UBQLN1: variants seen among roughly 807,000 people sequenced by gnomAD.
UBQLN1 encodes ubiquilin 1.
Under a neutral mutation model 65.4 loss-of-function variants are expected in UBQLN1, and 13 were observed. That is an observed-to-expected ratio of 0.20 (90% CI 0.13 to 0.32). The LOEUF (loss-of-function observed/expected upper bound fraction) is 0.32. Ranked by LOEUF, UBQLN1 falls within the 10% of genes least tolerant of loss-of-function variation. UBQLN1 has a pLI of 1.00. For missense variants in UBQLN1, 561 were observed against 724.0 expected (o/e 0.77, Z 2.58); for synonymous variants, 267 against 247.8 (o/e 1.08, Z -0.73).
chr9:83,675,469 A>T (rs893569647), intron 6 of UBQLN1, among the ~76,000 whole-genome samples: 1 of 67,514 alleles, frequency 1.5e-5, no homozygotes, highest in Admixed American at 1.2e-4. Flanking sequence ...CTATGCCGTC[A>T]AAAAAAAAAA....
At chr9:83,671,661 GCTTTTTTT>G (rs760320235) in intron 6 of UBQLN1, among the ~76,000 whole-genome samples, 49 of 152,226 alleles carry the variant, frequency 3.2e-4, no homozygotes, top group African/African-American at 8.7e-4. Flanking sequence ...TGTCATCCAG[GCTTTTTTT>G]CTTTTTTTCT....
intron 10 of UBQLN1, among the ~76,000 whole-genome samples, chr9:83,663,150 A>G (rs1397016224): frequency 6.6e-6 from 1 of 151,316 alleles, no homozygotes; most frequent in Non-Finnish European, 1.5e-5. Flanking sequence ...GGGAAAAGGG[A>G]AAGGGGAAGA....
At chr9:83,689,057 A>G (rs960863372) in intron 1 of UBQLN1, among the ~76,000 whole-genome samples, 3 of 152,212 alleles carry the variant, frequency 2.0e-5, no homozygotes, top group African/African-American at 7.2e-5. Context: ...CCTCAAAAAA[A>G]TCTATACCCT....
intron 4 of UBQLN1, among the ~76,000 whole-genome samples, chr9:83,679,029 A>G (rs1831893860): frequency 6.6e-6 from 1 of 152,136 alleles, no homozygotes; most frequent in Non-Finnish European, 1.5e-5. Context: ...CCAGGAGGCC[A>G]CTGTTTTGGA....
chr9:83,695,467 G>A (rs923649931), intron 1 of UBQLN1, among the ~76,000 whole-genome samples: 1 of 152,164 alleles, frequency 6.6e-6, no homozygotes, highest in African/African-American at 2.4e-5. Flanking sequence ...CGAAGTGCTG[G>A]ACTTAAAGGC....
At chr9:83,702,619 C>T (rs1158635330) in intron 1 of UBQLN1, among the ~76,000 whole-genome samples, 1 of 152,168 alleles carries the variant, frequency 6.6e-6, no homozygotes, top group Non-Finnish European at 1.5e-5. Flanking sequence ...TATTTCAATA[C>T]ATAATATATC....
At chr9:83,692,847 C>T (rs769817566) in intron 1 of UBQLN1, among the ~76,000 whole-genome samples, 20 of 152,140 alleles carry the variant, frequency 1.3e-4, no homozygotes, top group Middle Eastern at 6.8e-3. Flanking sequence ...AGCGGAACTC[C>T]GTTTTAAAAA....
At chr9:83,692,266 C>T (rs1460737300) in intron 1 of UBQLN1, among the ~76,000 whole-genome samples, 1 of 152,156 alleles carries the variant, frequency 6.6e-6, no homozygotes, top group Non-Finnish European at 1.5e-5. Flanking sequence ...GCTAAAAATT[C>T]TGCACGTACT....
At position 83,705,246 on chromosome 9, in the gene UBQLN1, C is replaced by T. The variant is rs1249617707; in HGVS notation, c.180+2254G>A. 2.2e-3 allele frequency among the ~76,000 whole-genome samples: 285 copies of T among 129,474 alleles called. 4 individuals carry two copies. The highest frequency in any genetic ancestry group is 8.2e-3 in the African/African-American group (265 of 32,182). 84.9% of individuals were successfully genotyped at this position (129,474 alleles called of 152,430 possible). On this transcript the variant is annotated intron_variant, in intron 1 of 10. Transcript: ENST00000376395. ...ATATGTGCTGCTGAAGCCAGCACTC[C>T]TTTTTTTTTTTGAAACGGAGTTTCA...
chr9:83,666,315 A>G (rs1831642471), intron 8 of UBQLN1, 35 bp downstream of exon 8: 2 of 1,603,530 alleles, frequency 1.2e-6, no homozygotes, highest in Non-Finnish European at 1.7e-6. Flanking sequence ...CAAGCAAATC[A>G]TTACCCAAGA....
intron 7 of UBQLN1, chr9:83,666,693 C>G (rs992146435): frequency 6.0e-6 from 2 of 331,738 alleles, no homozygotes; most frequent in African/African-American, 4.1e-5. Context: ...AAAATAAAAG[C>G]AATCATTTTC....
intron 1 of UBQLN1, among the ~76,000 whole-genome samples, chr9:83,706,719 G>A (rs948386118): frequency 1.3e-5 from 2 of 152,052 alleles, no homozygotes; most frequent in Non-Finnish European, 2.9e-5. Context: ...GTAATATTCT[G>A]CATTCACTCC....
chr9:83,669,293 C>T lies in UBQLN1; in HGVS notation c.1140G>A (p.Leu380=). Residue 380 remains leucine (L), a synonymous_variant, in exon 7 of 11, where the codon TTG becomes TTA. Coordinates refer to ENST00000376395, the MANE Select transcript of UBQLN1 (RefSeq NM_013438.5). The stretch of plus-strand genomic sequence containing the variant: ...GTGGGTTTTCAGTTATTTGTTGCAA[C>T]AAGCTCTGCATTCCTGGTGTGTTGA... ...SMFNTPGMQS[L]LQQITENPQL... is the part of the protein sequence containing the mutation. 1 of 1,611,688 alleles carries T rather than the reference C, an allele frequency of 6.2e-7. No individual in the cohort carries two copies. Among genetic ancestry groups the T allele is most frequent in the Non-Finnish European group, 8.5e-7 (1 of 1,179,550 alleles).
intron 10 of UBQLN1, among the ~76,000 whole-genome samples, chr9:83,662,661 T>G (rs1205014519): frequency 6.6e-6 from 1 of 152,240 alleles, no homozygotes; most frequent in Admixed American, 6.5e-5. Flanking sequence ...CCTTCTTTCT[T>G]ATTTATTCCA....
intron 9 of UBQLN1, 59 bp downstream of exon 9, chr9:83,664,971 G>C: frequency 1.4e-6 from 1 of 692,544 alleles, no homozygotes; most frequent in Non-Finnish European, 2.3e-6. Flanking sequence ...TACTAAATCT[G>C]AAATTCTCAG....
intron 6 of UBQLN1, among the ~76,000 whole-genome samples, chr9:83,670,926 T>C (rs948738723): frequency 2.0e-5 from 3 of 152,208 alleles, no homozygotes; most frequent in Non-Finnish European, 4.4e-5. Context: ...TTTCATGGCA[T>C]TGTAGCAACG....
At chr9:83,702,112 A>AGATTT (rs1832319575) in intron 1 of UBQLN1, among the ~76,000 whole-genome samples, 8 of 152,320 alleles carry the variant, frequency 5.3e-5, no homozygotes, top group Admixed American at 4.6e-4. Flanking sequence ...GCAAATCTAT[A>AGATTT]GACAAAAAAT....
Position 83,677,816 on chromosome 9 carries a change from G to C in UBQLN1, c.1016C>G (p.Ala339Gly), listed in dbSNP as rs1831863729. ...ACCAGTAGTGCCACCCACAGTGCTGGCAGTGCCGCTGGAAGCTGATGAACT... is the reference window on the plus strand; with the variant it reads ...ACCAGTAGTGCCACCCACAGTGCTGCCAGTGCCGCTGGAAGCTGATGAACT... ...SQSSSASSGTASTVGGTTGST... is the reference protein window; with the variant it reads ...SQSSSASSGTGSTVGGTTGST... The change falls in exon 6 of 11, where the codon GCC (alanine) becomes GGC (glycine). Residue 339 changes from alanine (A) to glycine (G), a missense_variant. Ala to Gly is a moderately conservative substitution (Grantham distance 60). This residue lies in a region of UBQLN1 where 89 missense variants were observed against 77.8 expected (regional missense o/e 1.14). Transcript: ENST00000376395. 1.2e-6 allele frequency: 2 copies of C among 1,613,958 alleles called. No individual in the cohort carries two copies. The highest frequency in any genetic ancestry group is 1.3e-5 in the African/African-American group (1 of 74,910).
intron 1 of UBQLN1, among the ~76,000 whole-genome samples, chr9:83,706,958 A>T (rs550835394): frequency 2.0e-4 from 30 of 151,818 alleles, no homozygotes; most frequent in African/African-American, 6.8e-4. Context: ...ATTTTTTTTT[A>T]AAGGTTGCAA....
Sources: allele counts gnomAD v4.1 joint callset (sites outside exome capture counted in the v4.1 genomes callset), GRCh38; gene constraint gnomAD v4.1.1; regional missense constraint gnomAD v4.1.1; transcripts MANE v1.5; gene names NCBI Gene and HGNC (gene_info 2026-07-23, HGNC 2026-07-21).